The following SGCZ variants were observed in gnomAD, a reference collection of about 807,000 sequenced individuals.
SGCZ encodes sarcoglycan zeta.
A neutral mutation model predicts 41.3 loss-of-function variants in SGCZ; 40 were observed. The observed-to-expected ratio is 0.97, with a 90% confidence interval of 0.75 to 1.26. The LOEUF (loss-of-function observed/expected upper bound fraction) is 1.26, where lower values mean the gene tolerates loss of function less well. Ranked by LOEUF, SGCZ falls within the 50% of genes most tolerant of loss-of-function variation. The pLI, the probability that SGCZ is intolerant of heterozygous loss-of-function variation, is 0.00. For synonymous variants in SGCZ, 206 were observed against 137.5 expected (o/e 1.50, Z -3.49); for missense variants, 552 against 369.8 (o/e 1.49, Z -4.04).
intron 1 of SGCZ, among the ~76,000 whole-genome samples, chr8:15,145,482 T>A (rs1799012032): frequency 6.6e-6 from 1 of 152,144 alleles, no homozygotes; most frequent in Admixed American, 6.5e-5. Context: ...TGTCTTCTTT[T>A]TTTACACAGT....
chr8:14,763,533 C>T (rs1799951637), intron 1 of SGCZ, among the ~76,000 whole-genome samples: 1 of 152,086 alleles, frequency 6.6e-6, no homozygotes, highest in Non-Finnish European at 1.5e-5. Context: ...ATAGGAGACA[C>T]TTTATTATCG....
At position 14,277,587 on chromosome 8, in the gene SGCZ, A is replaced by G. The variant is rs532712265; in HGVS notation, c.337-39908T>C. Among the ~76,000 whole-genome samples the G allele has an allele frequency of 7.5e-4, 114 of 152,304 alleles. 1 individual carries two copies. The highest frequency in any genetic ancestry group is 2.4e-3 in the African/African-American group (101 of 41,576). On this transcript the variant is annotated intron_variant, in intron 3 of 7. Coordinates refer to ENST00000382080, the MANE Select transcript of SGCZ (RefSeq NM_139167.4). ...AAGTCAATGAAGTAAAAGTTATTAAATTGCTAGTAAGATAGTGGTAAGAAA... is the reference window on the plus strand; with the variant it reads ...AAGTCAATGAAGTAAAAGTTATTAAGTTGCTAGTAAGATAGTGGTAAGAAA...
rs564015878 is a variant in SGCZ, at chr8:14,147,098, A to G, written c.547+17482T>C. On this transcript the variant is annotated intron_variant, in intron 5 of 7. Transcript: ENST00000382080. ...ATTTGCAAGCCTCATGGTAATCTCA[A>G]ACCAAATATGTACAATAGATACACA... Among the ~76,000 whole-genome samples the G allele has an allele frequency of 2.0e-5, 3 of 152,120 alleles. No homozygotes were observed. In the East Asian group the frequency reaches 5.8e-4, roughly 29 times the overall value.
At position 14,965,705 on chromosome 8, in the gene SGCZ, A is replaced by C. The variant is rs59889209; in HGVS notation, c.39+271880T>G. ...AAATATAATATGGACAATTTGAATA[A>C]TACTACCAATAATTTTCAAATCTGT... is the stretch of plus-strand genomic sequence containing the variant. On this transcript the variant is annotated intron_variant, in intron 1 of 7. Transcript: ENST00000382080. Among the ~76,000 whole-genome samples, 932 of 152,252 alleles carry C rather than the reference A, an allele frequency of 6.1e-3. 14 individuals are homozygous for C. The highest frequency in any genetic ancestry group is 0.021 in the African/African-American group (878 of 41,548).
At chr8:14,511,890 T>G (rs1001983577) in intron 2 of SGCZ, among the ~76,000 whole-genome samples, 1 of 152,114 alleles carries the variant, frequency 6.6e-6, no homozygotes, top group African/African-American at 2.4e-5. Flanking sequence ...ACCACCAACA[T>G]AGTCTATAGA....
intron 1 of SGCZ, among the ~76,000 whole-genome samples, chr8:15,207,250 A>C (rs187721178): frequency 6.6e-6 from 1 of 152,332 alleles, no homozygotes; most frequent in Non-Finnish European, 1.5e-5. Context: ...GCAAGCAATT[A>C]GAAAACTGGA....
At position 15,208,162 on chromosome 8, in the gene SGCZ, G is replaced by A. The variant is rs77239018; in HGVS notation, c.39+29423C>T. Among the ~76,000 whole-genome samples the A allele has an allele frequency of 9.8e-4, 150 of 152,310 alleles. 1 individual carries two copies. The East Asian group carries it at 0.028, about 28-fold the overall frequency. ...ATAATGCCTTTCAAGGCCAAAATAAGTTCCCTGAAGAATGTGTAAAGAGAT... is the reference window on the plus strand; with the variant it reads ...ATAATGCCTTTCAAGGCCAAAATAAATTCCCTGAAGAATGTGTAAAGAGAT... On this transcript the variant is annotated intron_variant, in intron 1 of 7. Transcript: ENST00000382080.
chr8:14,171,525 T>A (rs1239446096), intron 4 of SGCZ, among the ~76,000 whole-genome samples: 3 of 152,014 alleles, frequency 2.0e-5, no homozygotes, highest in Non-Finnish European at 4.4e-5. Context: ...AATTTCAAAT[T>A]TTTTCTCTAT....
At chr8:14,569,536 G>A (rs953684668) in intron 1 of SGCZ, among the ~76,000 whole-genome samples, 3 of 152,134 alleles carry the variant, frequency 2.0e-5, no homozygotes, top group East Asian at 3.9e-4. Context: ...CACTCTTCTA[G>A]AAGCTATGGA....
At chr8:15,061,542 A>AAAC (rs397963830) in intron 1 of SGCZ, among the ~76,000 whole-genome samples, 3 of 151,260 alleles carry the variant, frequency 2.0e-5, no homozygotes, top group African/African-American at 7.3e-5. Context: ...AAAAAAAAAA[A>AAAC]CAGGAAAAAA....
chr8:14,515,236 A>G (rs1429361757), intron 2 of SGCZ, among the ~76,000 whole-genome samples: 1 of 152,078 alleles, frequency 6.6e-6, no homozygotes, highest in East Asian at 1.9e-4. Context: ...ATCCAGGGCA[A>G]CTGGATGGTT....
intron 2 of SGCZ, among the ~76,000 whole-genome samples, chr8:14,501,687 T>C (rs1802159984): frequency 6.6e-6 from 1 of 151,742 alleles, no homozygotes. Context: ...GGTACTCTGA[T>C]ATTGGACAAT....
chr8:14,709,666 G>A (rs902740027), intron 1 of SGCZ, among the ~76,000 whole-genome samples: 1 of 151,346 alleles, frequency 6.6e-6, no homozygotes, highest in African/African-American at 2.4e-5. Flanking sequence ...ATTAATCGAG[G>A]CCCAAATTTG....
chr8:14,600,884 C>G lies in SGCZ; in HGVS notation c.40-45958G>C, dbSNP rs976315885. Among the ~76,000 whole-genome samples the G allele has an allele frequency of 6.6e-5, 10 of 151,348 alleles. No homozygotes were observed. The East Asian group carries it at 1.5e-3, about 23-fold the overall frequency. On this transcript the variant is annotated intron_variant, in intron 1 of 7. Transcript: ENST00000382080. ...ACTTAGAAAACATTAAAATAGACCT[C>G]AAGCCTTCTGATATTTTTTTTTTTG...
chr8:14,547,385 G>C (rs1803663774), intron 2 of SGCZ, among the ~76,000 whole-genome samples: 1 of 152,098 alleles, frequency 6.6e-6, no homozygotes, highest in Admixed American at 6.6e-5. Flanking sequence ...AACAATGATG[G>C]TTGACAGCTA....
At chr8:14,352,035 T>C (rs1216548814) in intron 2 of SGCZ, among the ~76,000 whole-genome samples, 1 of 152,166 alleles carries the variant, frequency 6.6e-6, no homozygotes, top group Non-Finnish European at 1.5e-5. Flanking sequence ...ACCTTATTTA[T>C]AGTAGAATAG....
At chr8:15,199,148 T>G (rs562315197) in intron 1 of SGCZ, among the ~76,000 whole-genome samples, 90 of 152,350 alleles carry the variant, frequency 5.9e-4, no homozygotes, top group Non-Finnish European at 6.5e-4. Flanking sequence ...TTCTAAAAGT[T>G]TGACAGAACT....
intron 2 of SGCZ, among the ~76,000 whole-genome samples, chr8:14,552,162 A>C (rs1803890930): frequency 6.6e-6 from 1 of 152,050 alleles, no homozygotes; most frequent in East Asian, 1.9e-4. Flanking sequence ...AACATAATGC[A>C]CTAGTAAAAA....
chr8:15,124,947 T>G (rs1807625586), intron 1 of SGCZ, among the ~76,000 whole-genome samples: 1 of 152,082 alleles, frequency 6.6e-6, no homozygotes, highest in Admixed American at 6.5e-5. Context: ...GGCTATGAAT[T>G]ATGAAAAAAA....
Sources: allele counts gnomAD v4.1 joint callset (sites outside exome capture counted in the v4.1 genomes callset), GRCh38; gene constraint gnomAD v4.1.1; transcripts MANE v1.5; gene names NCBI Gene and HGNC (gene_info 2026-07-23, HGNC 2026-07-21).